Variants in BRCA2 observed in about 807,000 individuals in gnomAD.
The protein encoded by BRCA2 is breast cancer type 2 susceptibility protein.
In BRCA2, 203 loss-of-function variants were observed where a neutral mutation model predicts 276.7. The ratio of observed to expected loss-of-function variants is 0.73; its 90% confidence interval spans 0.65 to 0.82. The LOEUF is 0.82. Ranked by LOEUF, BRCA2 falls within the 40% of genes least tolerant of loss-of-function variation. The pLI is 0.00. For missense variants in BRCA2, 3,920 were observed against 3,915.0 expected (o/e 1.00, Z -0.03); for synonymous variants, 1,289 against 1,338.4 (o/e 0.96, Z 0.81).
At chr13:32,392,735 T>G (rs1003831344) in intron 24 of BRCA2, among the ~76,000 whole-genome samples, 2 of 152,164 alleles carry the variant, frequency 1.3e-5, no homozygotes, top group Non-Finnish European at 2.9e-5. Context: ...ACAATTAGAA[T>G]CAGAAAGTTA....
chr13:32,336,125 C>G (rs1440649126), intron 10 of BRCA2, 140 bp from the exon 11 acceptor site: 3 of 903,582 alleles, frequency 3.3e-6, no homozygotes, highest in Non-Finnish European at 5.0e-6. Flanking sequence ...AGCAGTCTTC[C>G]TGCCTCAGCC....
In BRCA2 at chr13:32,341,732, G is replaced by C. The variant is rs570531691; in HGVS notation, c.6841+536G>C. Among the ~76,000 whole-genome samples the C allele has an allele frequency of 2.6e-5, 4 of 151,456 alleles. No homozygotes were observed. The East Asian group carries it at 5.8e-4, about 22-fold the overall frequency. On this transcript the variant is annotated intron_variant, in intron 11 of 26. Coordinates refer to ENST00000380152, the MANE Select transcript of BRCA2 (RefSeq NM_000059.4). ...AAATACAAAAAATTAGCCGGGCGTA[G>C]TGGCGGGCGCCTGTAGTCCCAGCTA...
chr13:32,333,261 C>T lies in BRCA2; in HGVS notation c.1783C>T (p.His595Tyr), dbSNP rs587781906. 1 of 1,608,108 alleles carries T rather than the reference C, an allele frequency of 6.2e-7. No individual in the cohort carries two copies. Among genetic ancestry groups the T allele is most frequent in the Admixed American group, 1.7e-5 (1 of 58,998 alleles). The change falls in exon 10 of 27, where the codon CAT becomes TAT. Residue 595 changes from histidine (H) to tyrosine (Y), a missense_variant. Transcript: ENST00000380152. ...KKTNKFIYAI[H>Y]DETSYKGKKI... Reference sequence around the variant, plus strand: ...AACAAATAAGTTTATTTATGCTATACATGATGAAACATCTTATAAAGGAAA... The same window carrying T: ...AACAAATAAGTTTATTTATGCTATATATGATGAAACATCTTATAAAGGAAA...
intron 25 of BRCA2, chr13:32,395,866 G>C (rs2073031913): frequency 5.8e-6 from 1 of 173,088 alleles, no homozygotes; most frequent in South Asian, 1.0e-4. Context: ...GCTATATCTA[G>C]TTTCTAAATT....
intron 3 of BRCA2, among the ~76,000 whole-genome samples, chr13:32,323,151 ATTTTTTTT>A (rs200414858): frequency 0.026 from 3,568 of 135,870 alleles, 76 homozygotes; most frequent in East Asian, 0.1. Flanking sequence ...GTTTTATTTA[ATTTTTTTT>A]TTTTTTTTTT....
chr13:32,321,753 T>C (rs968671813), intron 3 of BRCA2, among the ~76,000 whole-genome samples: 5 of 152,242 alleles, frequency 3.3e-5, no homozygotes, highest in Non-Finnish European at 5.9e-5. Context: ...ATGTAATATT[T>C]TTTAAAAAAT....
intron 14 of BRCA2, 42 bp from the exon 15 acceptor site, chr13:32,356,386 A>C (rs2072694429): frequency 1.3e-6 from 2 of 1,596,062 alleles, no homozygotes; most frequent in East Asian, 4.5e-5. Flanking sequence ...TGTGCTTTTT[A>C]AATTTCAATT....
At chr13:32,319,460 C>A (rs983750297) in intron 3 of BRCA2, 135 bp downstream of exon 3, 22 of 855,090 alleles carry the variant, frequency 2.6e-5, no homozygotes, top group Non-Finnish European at 3.6e-5. Flanking sequence ...TTTCCTCACT[C>A]GAAAAATGGA....
Position 32,339,646 on chromosome 13 carries a change from C to A in BRCA2, c.5291C>A (p.Ser1764Ter). The change falls in exon 11 of 27, where the codon TCA becomes TAA. Residue 1764 changes from serine to a stop codon, truncating the protein, a stop_gained. Coordinates refer to ENST00000380152, the MANE Select transcript of BRCA2 (RefSeq NM_000059.4). LOFTEE classifies it high-confidence loss of function. Reference sequence around the variant, plus strand: ...GTATATAATGATTCAGGATATCTCTCAAAAAATAAACTTGATTCTGGTATT... The same window carrying A: ...GTATATAATGATTCAGGATATCTCTAAAAAAATAAACTTGATTCTGGTATT... ...DEVYNDSGYLSKNKLDSGIEP... is the reference protein window; with the variant it reads ...DEVYNDSGYL 1 of 1,612,294 alleles carries A rather than the reference C, an allele frequency of 6.2e-7. No individual in the cohort carries two copies. The highest frequency in any genetic ancestry group is 1.1e-5 in the South Asian group (1 of 90,914).
In BRCA2 at chr13:32,396,902, T is replaced by G; in HGVS notation, c.9506T>G (p.Ile3169Ser). ...CTTTTCCACTTATTTTCTTAGAATA[T>G]TGACATACTTTGCAATGAAGCAGAA... is the stretch of plus-strand genomic sequence containing the variant. ...FNKMKNTVEN[I>S]DILCNEAENK... is the part of the protein sequence containing the mutation. The change falls in exon 26 of 27, where the codon ATT (isoleucine) becomes AGT (serine). Residue 3169 changes from isoleucine (I) to serine (S), a missense_variant. Coordinates refer to ENST00000380152, the MANE Select transcript of BRCA2 (RefSeq NM_000059.4). The G allele has an allele frequency of 6.2e-7, 1 of 1,614,132 alleles. No individual in the cohort carries two copies. The highest frequency in any genetic ancestry group is 1.1e-5 in the South Asian group (1 of 91,084).
intron 18 of BRCA2, among the ~76,000 whole-genome samples, chr13:32,369,429 C>T (rs1234746257): frequency 2.0e-5 from 3 of 152,082 alleles, no homozygotes; most frequent in Non-Finnish European, 2.9e-5. Context: ...GAGTGTTTTC[C>T]TTTAATTATT....
rs1593937113 is a variant in BRCA2 at position 32,379,603 on chromosome 13, A to G, written c.8953+88A>G. The G allele has an allele frequency of 1.0e-5, 16 of 1,541,818 alleles. No homozygotes were observed. The East Asian group carries it at 3.7e-4, about 36-fold the overall frequency. On this transcript the variant is annotated intron_variant, in intron 22 of 26. Coordinates refer to ENST00000380152, the MANE Select transcript of BRCA2 (RefSeq NM_000059.4). ...AAATGATTATAAATCCAGATAAAGT[A>G]TAAAGTTAGTTTATATCAGAGAAGC... is the stretch of plus-strand genomic sequence containing the variant.
intron 9 of BRCA2, 92 bp from the exon 10 acceptor site, chr13:32,332,180 A>G: frequency 8.0e-7 from 1 of 1,254,406 alleles, no homozygotes; most frequent in East Asian, 2.5e-5. Context: ...AGCACATTCT[A>G]CATAAACTGT....
rs146753854 is a variant in BRCA2 at position 32,364,315 on chromosome 13, A to G, written c.8331+782A>G. 1.5e-3 allele frequency among the ~76,000 whole-genome samples: 233 copies of G among 152,320 alleles called. 4 individuals are homozygous for G. In the East Asian group the frequency reaches 0.028, roughly 19 times the overall value. On this transcript the variant is annotated intron_variant, in intron 18 of 26. Transcript: ENST00000380152. ...ATAAGACATATAACCAAAAAAAAGC[A>G]GTTGCTAGCACAACCCTCCCCATCC...
At chr13:32,322,516 A>C (rs1480574116) in intron 3 of BRCA2, among the ~76,000 whole-genome samples, 1 of 152,228 alleles carries the variant, frequency 6.6e-6, no homozygotes, top group Non-Finnish European at 1.5e-5. Context: ...CTGCAGCAGG[A>C]GAATGTCCTT....
At chr13:32,358,013 A>T in intron 16 of BRCA2, 84 bp downstream of exon 16, 1 of 1,474,740 alleles carries the variant, frequency 6.8e-7, no homozygotes, top group Non-Finnish European at 9.4e-7. Flanking sequence ...TCGAACTAAA[A>T]AGTTGGCTAG....
intron 24 of BRCA2, among the ~76,000 whole-genome samples, chr13:32,381,503 C>T (rs915798186): frequency 2.0e-5 from 3 of 151,982 alleles, no homozygotes; most frequent in African/African-American, 7.3e-5. Context: ...GGCATGTGGC[C>T]ATCTGGGGAA....
At position 32,371,106 on chromosome 13, in the gene BRCA2, A is replaced by G. The variant is rs81002894; in HGVS notation, c.8632+6A>G. 6.2e-7 allele frequency: 1 copy of G among 1,613,100 alleles called. No homozygotes were observed. The highest frequency in any genetic ancestry group is 1.7e-5 in the Admixed American group (1 of 60,022). On this transcript the variant is annotated splice_donor_region_variant and intron_variant, in intron 20 of 26. Coordinates refer to ENST00000380152, the MANE Select transcript of BRCA2 (RefSeq NM_000059.4). The stretch of plus-strand genomic sequence containing the variant: ...GGAATTTGAAGAACATGAAGGTAAA[A>G]TTAGTTATATGGTACACATTGTTAT...
chr13:32,395,149 G>A (rs1033245149), intron 25 of BRCA2, among the ~76,000 whole-genome samples: 1 of 152,178 alleles, frequency 6.6e-6, no homozygotes, highest in African/African-American at 2.4e-5. Flanking sequence ...AAATGAGTTA[G>A]GAGAAATTGT....
Sources: allele counts gnomAD v4.1 joint callset (sites outside exome capture counted in the v4.1 genomes callset), GRCh38; gene constraint gnomAD v4.1.1; transcripts MANE v1.5; gene names NCBI Gene and HGNC (gene_info 2026-07-23, HGNC 2026-07-21).